The following PRKCH variants were observed in gnomAD, a reference collection of about 807,000 sequenced individuals.
PRKCH encodes the protein protein kinase C eta type.
PRKCH carries 28 observed loss-of-function variants against 82.5 expected under a neutral mutation model. The ratio of observed to expected loss-of-function variants is 0.34; its 90% CI spans 0.25 to 0.47. The LOEUF (loss-of-function observed/expected upper bound fraction) is 0.47. Ranked by LOEUF, PRKCH falls within the 20% of genes least tolerant of loss-of-function variation. PRKCH has a pLI of 1.00. For synonymous variants in PRKCH, 322 were observed against 327.4 expected (o/e 0.98, Z 0.18); for missense variants, 705 against 881.8 (o/e 0.80, Z 2.54).
At chr14:61,413,120 A>G (rs1366188246) in intron 2 of PRKCH, among the ~76,000 whole-genome samples, 1 of 152,118 alleles carries the variant, frequency 6.6e-6, no homozygotes, top group African/African-American at 2.4e-5. Context: ...GCAGCCAACT[A>G]TCTTGACAAA....
chr14:61,202,524 A>G (rs1011363804), intron 1 of PRKCH, among the ~76,000 whole-genome samples: 4 of 152,180 alleles, frequency 2.6e-5, no homozygotes, highest in Non-Finnish European at 5.9e-5. Flanking sequence ...GGCCACTTCA[A>G]AAGCAGTTGG....
In PRKCH at chr14:61,330,157, A is replaced by G. The variant is rs528998449; in HGVS notation, c.363+7693A>G. Among the ~76,000 whole-genome samples the G allele has an allele frequency of 2.7e-4, 41 of 152,332 alleles. No individual in the cohort carries two copies. The South Asian group carries it at 4.4e-3, about 16-fold the overall frequency. On this transcript the variant is annotated intron_variant, in intron 1 of 13. Transcript: ENST00000332981. Reference sequence around the variant, plus strand: ...ACAAAAGCAACTAGGGAATTACAGAAGTACTTACAGGCAGGTAAGCCCCTG... The same window carrying G: ...ACAAAAGCAACTAGGGAATTACAGAGGTACTTACAGGCAGGTAAGCCCCTG...
At chr14:61,387,927 C>T (rs1264016625) in intron 1 of PRKCH, among the ~76,000 whole-genome samples, 19 of 152,160 alleles carry the variant, frequency 1.2e-4, no homozygotes, top group Admixed American at 1.2e-3. Flanking sequence ...GTGGACAGAT[C>T]TCCTGAGGTC....
At chr14:61,331,590 G>A (rs2045789803) in intron 1 of PRKCH, among the ~76,000 whole-genome samples, 1 of 152,114 alleles carries the variant, frequency 6.6e-6, no homozygotes, top group South Asian at 2.1e-4. Flanking sequence ...CCAGCAATAG[G>A]GGAACACTGT....
intron 10 of PRKCH, among the ~76,000 whole-genome samples, chr14:61,521,305 A>G (rs1327546005): frequency 6.6e-6 from 1 of 152,194 alleles, no homozygotes; most frequent in East Asian, 1.9e-4. Flanking sequence ...TTAGTCCTTC[A>G]TAAAAATTTG....
chr14:61,278,458 T>C (rs551327495), intron 1 of PRKCH: 24 of 152,370 alleles, frequency 1.6e-4, no homozygotes, highest in African/African-American at 5.3e-4. Flanking sequence ...ATTGTCCATG[T>C]TCAGTAATTT....
intron 2 of PRKCH, among the ~76,000 whole-genome samples, chr14:61,419,495 T>C (rs573992724): frequency 6.6e-6 from 1 of 152,346 alleles, no homozygotes; most frequent in African/African-American, 2.4e-5. Context: ...CATTCTCTAG[T>C]TGTGACAACA....
Position 61,547,746 on chromosome 14 carries a change from A to T in PRKCH, c.1765A>T (p.Met589Leu). 1 of 1,613,614 alleles carries T rather than the reference A, an allele frequency of 6.2e-7. No homozygotes were observed. Among genetic ancestry groups the T allele is most frequent in the South Asian group, 1.1e-5 (1 of 91,004 alleles). The part of the protein sequence containing the change: ...EDATGILKSF[M>L]TKNPTMRLGS... The stretch of plus-strand genomic sequence containing the variant: ...ACTTTCTCTCTCTCTCACTCAGTTC[A>T]TGACCAAGAACCCCACCATGCGCTT... The change falls in exon 13 of 14, where the codon ATG becomes TTG. Residue 589 changes from methionine to leucine, a missense_variant. Physicochemically the swap from Met to Leu is conservative, Grantham distance 15. Transcript: ENST00000332981.
intron 5 of PRKCH, among the ~76,000 whole-genome samples, chr14:61,450,471 T>A (rs923642910): frequency 2.6e-5 from 4 of 152,196 alleles, no homozygotes; most frequent in African/African-American, 9.7e-5. Context: ...CAAGTATATA[T>A]AGTGTATAAA....
At chr14:61,282,202 T>A (rs2045276752) in intron 1 of PRKCH, among the ~76,000 whole-genome samples, 1 of 151,374 alleles carries the variant, frequency 6.6e-6, no homozygotes. Flanking sequence ...GGAAGTAAAC[T>A]ACAAGGATTT....
chr14:61,413,104 C>T (rs1210263575), intron 2 of PRKCH, among the ~76,000 whole-genome samples: 4 of 152,134 alleles, frequency 2.6e-5, no homozygotes, highest in Non-Finnish European at 5.9e-5. Flanking sequence ...TTTCTTTCCC[C>T]CCTTTGCAGC....
At position 61,412,165 on chromosome 14, in the gene PRKCH, A is replaced by C. The variant is rs181789168; in HGVS notation, c.427+20877A>C. Among the ~76,000 whole-genome samples, 5 of 152,370 alleles carry C rather than the reference A, an allele frequency of 3.3e-5. No individual in the cohort carries two copies. In the East Asian group the frequency reaches 9.6e-4, roughly 29 times the overall value. ...CATCCAACCAAAAATTACCAGATGT[A>C]CAAAGAAGCAAGAAAGTACAACCCA... is the stretch of plus-strand genomic sequence containing the variant. On this transcript the variant is annotated intron_variant, in intron 2 of 13. Coordinates refer to ENST00000332981, the MANE Select transcript of PRKCH (RefSeq NM_006255.5).
intron 10 of PRKCH, among the ~76,000 whole-genome samples, chr14:61,499,825 C>T (rs953449040): frequency 4.6e-5 from 7 of 151,528 alleles, no homozygotes; most frequent in African/African-American, 1.7e-4. Context: ...TTTCTGTTGA[C>T]TCAAACATTG....
At chr14:61,212,376 ATT>A (rs1251374775) in intron 1 of PRKCH, among the ~76,000 whole-genome samples, 1 of 152,184 alleles carries the variant, frequency 6.6e-6, no homozygotes, top group Non-Finnish European at 1.5e-5. Context: ...ATTTTCAGAG[ATT>A]TGTCACTCTA....
At chr14:61,325,049 C>G (rs1203399641) in intron 1 of PRKCH, among the ~76,000 whole-genome samples, 1 of 152,116 alleles carries the variant, frequency 6.6e-6, no homozygotes, top group Non-Finnish European at 1.5e-5. Context: ...CAATTCTTCC[C>G]AAAGTATTCA....
chr14:61,383,982 GA>G, intron 1 of PRKCH, among the ~76,000 whole-genome samples: 1 of 152,274 alleles, frequency 6.6e-6, no homozygotes, highest in Non-Finnish European at 1.5e-5. Context: ...GACTCTCGGA[GA>G]CCAGCGGAGG....
intron 1 of PRKCH, among the ~76,000 whole-genome samples, chr14:61,272,858 TC>T (rs1374348500): frequency 6.6e-5 from 10 of 152,168 alleles, no homozygotes. Flanking sequence ...GAGAAAGTGT[TC>T]CTTACTCAGG....
intron 9 of PRKCH, among the ~76,000 whole-genome samples, chr14:61,480,293 C>T (rs1459919026): frequency 6.6e-6 from 1 of 152,184 alleles, no homozygotes; most frequent in Admixed American, 6.5e-5. Flanking sequence ...TCCAGTACTT[C>T]CCTAAATGCA....
intron 1 of PRKCH, among the ~76,000 whole-genome samples, chr14:61,213,618 CAAAT>C (rs921298116): frequency 3.3e-5 from 5 of 152,196 alleles, no homozygotes; most frequent in African/African-American, 9.7e-5. Context: ...AATTTCCTCT[CAAAT>C]AAACAGGGCT....
Sources: allele counts gnomAD v4.1 joint callset (sites outside exome capture counted in the v4.1 genomes callset), GRCh38; gene constraint gnomAD v4.1.1; transcripts MANE v1.5; gene names NCBI Gene and HGNC (gene_info 2026-07-23, HGNC 2026-07-21).